PCDHGB6: variants seen among roughly 807,000 people sequenced by gnomAD.
PCDHGB6 encodes protocadherin gamma subfamily B, 6.
In PCDHGB6, 51 loss-of-function variants were observed where a neutral mutation model predicts 59.1. That is an observed-to-expected ratio of 0.86 (90% CI 0.69 to 1.09). PCDHGB6 has a LOEUF of 1.09. Among genes scored for constraint, PCDHGB6 ranks in the 50% least tolerant of loss-of-function variants. The pLI, the probability that PCDHGB6 is intolerant of heterozygous loss-of-function variation, is 0.00. For missense variants in PCDHGB6, 1,148 were observed against 1,205.1 expected (o/e 0.95, Z 0.70); for synonymous variants, 466 against 495.1 (o/e 0.94, Z 0.78).
intron 2 of PCDHGB6, among the ~76,000 whole-genome samples, chr5:141,502,250 T>A (rs915754322): frequency 2.6e-5 from 4 of 152,242 alleles, no homozygotes; most frequent in East Asian, 3.8e-4. Context: ...TCCTTTTTTT[T>A]AATCCAGGAT....
Position 141,408,218 on chromosome 5 carries a change from G to A in PCDHGB6, c.16G>A (p.Ala6Thr). Residue 6 changes from alanine to threonine, a missense_variant, in exon 1 of 4, where the codon GCG (alanine) becomes ACG (threonine). By Grantham distance (58) the Ala-to-Thr change is moderately conservative. Transcript: ENST00000520790. ...CGAGCGAACGATGGGAGGGAGCTGC[G>A]CGCAGAGGCGCCGGGCCGGCCCGCG... MGGSCAQRRRAGPRQV... is the reference protein window; with the variant it reads MGGSCTQRRRAGPRQV... The A allele has an allele frequency of 6.4e-7, 1 of 1,557,454 alleles. No individual in the cohort carries two copies. The highest frequency in any genetic ancestry group is 1.2e-5 in the South Asian group (1 of 85,098).
chr5:141,411,174 A>T (rs574627520), intron 1 of PCDHGB6: 4 of 152,400 alleles, frequency 2.6e-5, no homozygotes, highest in African/African-American at 7.2e-5. Flanking sequence ...GAACAGAAGC[A>T]GTGGTCTTGG....
intron 1 of PCDHGB6, among the ~76,000 whole-genome samples, chr5:141,437,807 G>T (rs910427301): frequency 6.7e-6 from 1 of 149,476 alleles, no homozygotes; most frequent in Non-Finnish European, 1.5e-5. Flanking sequence ...GCACTATCTT[G>T]GCTCACTGCA....
rs371964437 is a variant in PCDHGB6, at chr5:141,511,404, C to T, written c.*231C>T. On this transcript the variant is annotated 3_prime_UTR_variant, in exon 4 of 4. Coordinates refer to ENST00000520790, the MANE Select transcript of PCDHGB6 (RefSeq NM_018926.3). ...CCGCTGGGAACCCCCATCCAATCAA[C>T]TGCTGTACCCATGGGGGTAGTGGGG... The T allele has an allele frequency of 7.7e-5, 73 of 947,014 alleles. No individual in the cohort carries two copies. In the East Asian group the frequency reaches 1.8e-3, roughly 23 times the overall value. The allele number at this position is 947,014 out of a possible 1,614,324, so 58.7% of individuals were successfully genotyped here.
intron 1 of PCDHGB6, chr5:141,415,377 C>T (rs774655293): frequency 1.2e-6 from 2 of 1,614,118 alleles, no homozygotes; most frequent in African/African-American, 2.7e-5. Flanking sequence ...CTTCAGGAGG[C>T]GGCTTGACAG....
rs773899530 is a variant in PCDHGB6 at position 141,494,864 on chromosome 5, G to C, written c.2476G>C (p.Gly826Arg). ...FSQAQRPGTS[G>R]SQNGDDTGTW... ...TCAGGCCCAGAGACCCGGCACCAGCGGGTAGGTGACTGATTCTCCAGCCCA... is the reference window on the plus strand; with the variant it reads ...TCAGGCCCAGAGACCCGGCACCAGCCGGTAGGTGACTGATTCTCCAGCCCA... The change falls in exon 2 of 4, where the codon GGC becomes CGC. Residue 826 changes from glycine (G) to arginine (R), a missense_variant and splice_region_variant. Transcript: ENST00000520790. The C allele has an allele frequency of 1.2e-6, 2 of 1,614,068 alleles. No individual in the cohort carries two copies. Among genetic ancestry groups the C allele is most frequent in the Middle Eastern group, 1.6e-4 (1 of 6,062 alleles).
Position 141,431,534 on chromosome 5 carries a change from A to G in PCDHGB6, c.2418+20914A>G, listed in dbSNP as rs1331176313. Reference sequence around the variant, plus strand: ...CGTTCCGGAGAATCTGGCCTTGGGCACGCAGCTGCTTGTAGTCAACGCTAC... The same window carrying G: ...CGTTCCGGAGAATCTGGCCTTGGGCGCGCAGCTGCTTGTAGTCAACGCTAC... On this transcript the variant is annotated intron_variant, in intron 1 of 3. Coordinates refer to ENST00000520790, the MANE Select transcript of PCDHGB6 (RefSeq NM_018926.3). This position sits in a 1 kb window ranked among gnomAD's most constrained non-coding sequence, Gnocchi z 4.8. The G allele has an allele frequency of 1.2e-6, 2 of 1,614,110 alleles. No individual in the cohort carries two copies. The highest frequency in any genetic ancestry group is 8.5e-7 in the Non-Finnish European group (1 of 1,180,042).
chr5:141,422,520 G>T, intron 1 of PCDHGB6: 2 of 1,613,946 alleles, frequency 1.2e-6, no homozygotes, highest in Middle Eastern at 1.6e-4. Flanking sequence ...AGGGAAGCCC[G>T]CCTTTGTCTG....
At chr5:141,481,762 GC>G (rs1307001837) in intron 1 of PCDHGB6, among the ~76,000 whole-genome samples, 1 of 152,126 alleles carries the variant, frequency 6.6e-6, no homozygotes, top group Admixed American at 6.5e-5. Context: ...GACCAGCCTG[GC>G]CAACATGGTG....
At chr5:141,466,624 G>C (rs1279938026) in intron 1 of PCDHGB6, among the ~76,000 whole-genome samples, 1 of 152,038 alleles carries the variant, frequency 6.6e-6, no homozygotes, top group Non-Finnish European at 1.5e-5. Context: ...GTTTTCTTTG[G>C]AGCATTGTCT....
intron 1 of PCDHGB6, chr5:141,492,033 C>A: frequency 1.8e-6 from 1 of 548,342 alleles, no homozygotes; most frequent in Non-Finnish European, 3.1e-6. Flanking sequence ...CGGGAGGAGG[C>A]AGTCACAGAT....
intron 1 of PCDHGB6, among the ~76,000 whole-genome samples, chr5:141,488,225 T>G (rs2099673126): frequency 6.6e-6 from 1 of 152,136 alleles, no homozygotes. Flanking sequence ...CTACTGGGGA[T>G]TTGAACTAGA....
chr5:141,440,451 A>G (rs2098179077), intron 1 of PCDHGB6: 1 of 152,230 alleles, frequency 6.6e-6, no homozygotes, highest in Non-Finnish European at 1.5e-5. Flanking sequence ...CATCTCAAAA[A>G]AAATGAACAA....
rs983998465 is a variant in PCDHGB6 at position 141,494,817 on chromosome 5, C to T, written c.2429C>T (p.Pro810Leu). ...HPETLTSQAP[P>L]NTDWRFSQAQ... ...CTGTTTTCTCCACAGCAAGCCCCGC[C>T]CAACACGGACTGGCGTTTCTCTCAG... The change falls in exon 2 of 4, where the codon CCC becomes CTC. Residue 810 changes from proline to leucine, a missense_variant. Around this residue, in one of 5 missense-constraint regions of PCDHGB6, gnomAD observed 283 missense variants for 318.6 expected, o/e 0.89. Transcript: ENST00000520790. 1.2e-6 allele frequency: 2 copies of T among 1,614,016 alleles called. No individual in the cohort carries two copies. Among genetic ancestry groups the T allele is most frequent in the Non-Finnish European group, 1.7e-6 (2 of 1,180,026 alleles).
chr5:141,413,788 G>T (rs2095678300), intron 1 of PCDHGB6: 1 of 1,613,166 alleles, frequency 6.2e-7, no homozygotes, highest in African/African-American at 1.3e-5. Flanking sequence ...GCACTCCCTA[G>T]ATCGCGAGGA....
chr5:141,421,043 C>G (rs1201118615), intron 1 of PCDHGB6: 2 of 548,238 alleles, frequency 3.6e-6, no homozygotes, highest in Non-Finnish European at 6.3e-6. Flanking sequence ...CCTCCCTCCC[C>G]CGCCTCTACC....
In PCDHGB6 at chr5:141,511,251, A is replaced by T. The variant is rs780892899; in HGVS notation, c.*78A>T. 2.0e-5 allele frequency: 32 copies of T among 1,571,672 alleles called. No homozygotes were observed. Among genetic ancestry groups the T allele is most frequent in the Non-Finnish European group, 2.6e-5 (30 of 1,158,828 alleles). ...TTCTCCTTACCTGCACCCAGGCCTC[A>T]GAGTTTCAGGGCTAACCCCCAGAAT... On this transcript the variant is annotated 3_prime_UTR_variant, in exon 4 of 4. Transcript: ENST00000520790.
At chr5:141,450,445 T>C (rs1490338949) in intron 1 of PCDHGB6, among the ~76,000 whole-genome samples, 1 of 152,168 alleles carries the variant, frequency 6.6e-6, no homozygotes, top group East Asian at 1.9e-4. Context: ...ATTTGTTTTA[T>C]GTTTCCTCGT....
In PCDHGB6 at chr5:141,477,500, T is replaced by C. The variant is rs757547508; in HGVS notation, c.2419-17307T>C. The C allele has an allele frequency of 3.1e-6, 5 of 1,614,156 alleles. No homozygotes were observed. Among genetic ancestry groups the C allele is most frequent in the Non-Finnish European group, 4.2e-6 (5 of 1,180,026 alleles). ...CCCTCCACAATCTTCTCAATCTTCC[T>C]ACGACGTTTACATTGAAGAAAACAA... On this transcript the variant is annotated intron_variant, in intron 1 of 3. Coordinates refer to ENST00000520790, the MANE Select transcript of PCDHGB6 (RefSeq NM_018926.3). This position sits in a 1 kb window ranked among gnomAD's most constrained non-coding sequence, Gnocchi z 4.9.
Sources: gnomAD v4.1 joint callset for allele counts (sites outside exome capture counted in the v4.1 genomes callset) on GRCh38, gnomAD v4.1.1 for gene constraint, gnomAD v4.1.1 regional missense constraint, Gnocchi (gnomAD v3.1) non-coding constraint, MANE v1.5 for transcripts, NCBI Gene and HGNC (gene_info 2026-07-23, HGNC 2026-07-21) for gene names.